The following P3H2 variants were observed in gnomAD, a reference collection of about 807,000 sequenced individuals.
The protein encoded by P3H2 is leprecan-like 1.
In P3H2, 80 loss-of-function variants were observed where a neutral mutation model predicts 87.0. The ratio of observed to expected loss-of-function variants is 0.92; its 90% CI spans 0.77 to 1.11. The LOEUF is 1.11. Among genes scored for constraint, P3H2 ranks in the 50% least tolerant of loss-of-function variants. The pLI is 0.00. For missense variants in P3H2, 1,001 were observed against 923.9 expected (o/e 1.08, Z -1.08); for synonymous variants, 367 against 359.3 (o/e 1.02, Z -0.24).
At chr3:190,097,014 G>C (rs1461760367) in intron 1 of P3H2, among the ~76,000 whole-genome samples, 2 of 152,178 alleles carry the variant, frequency 1.3e-5, no homozygotes, top group African/African-American at 4.8e-5. Context: ...CTTGGAGTCA[G>C]GAAACTTCTC....
At chr3:190,121,861 G>C (rs1009634383), upstream of P3H2, among the ~76,000 whole-genome samples, 2 of 152,156 alleles carry the variant, frequency 1.3e-5, no homozygotes, top group South Asian at 2.1e-4. Context: ...GGAGGCCAAG[G>C]CGGGTGGATC....
At position 190,033,610 on chromosome 3, in the gene P3H2, G is replaced by A. The variant is rs574869862; in HGVS notation, c.481-38168C>T. On this transcript the variant is annotated intron_variant, in intron 1 of 14. Transcript: ENST00000319332. ...AGGATCCATTCTGTATTGTTTGGCC[G>A]TAGCATTTCAATCTTCATTTGCAAA... 1.2e-3 allele frequency among the ~76,000 whole-genome samples: 181 copies of A among 152,078 alleles called. 2 individuals carry two copies. Among genetic ancestry groups the A allele is most frequent in the Middle Eastern group, 6.8e-3 (2 of 294 alleles).
intron 1 of P3H2, among the ~76,000 whole-genome samples, chr3:190,064,057 T>C (rs1726418295): frequency 6.9e-6 from 1 of 145,868 alleles, no homozygotes. Flanking sequence ...AGTAGGGCAA[T>C]CATAGCTCAC....
At chr3:189,972,500 T>C (rs1229615699) in intron 11 of P3H2, among the ~76,000 whole-genome samples, 1 of 152,212 alleles carries the variant, frequency 6.6e-6, no homozygotes, top group East Asian at 1.9e-4. Context: ...AGAGTATTTC[T>C]TTCAATCATC....
At chr3:189,974,833 G>A in intron 8 of P3H2, 148 bp from the exon 9 acceptor site, 1 of 903,056 alleles carries the variant, frequency 1.1e-6, no homozygotes, top group South Asian at 1.4e-5. Flanking sequence ...AAATTAGGAA[G>A]CTTGATAAAC....
chr3:189,997,571 T>G (rs570837480), intron 1 of P3H2, among the ~76,000 whole-genome samples: 1 of 152,194 alleles, frequency 6.6e-6, no homozygotes, highest in Non-Finnish European at 1.5e-5. Flanking sequence ...TAATCAACTC[T>G]TAACACAAAA....
At chr3:190,112,007 G>A (rs529612777) in intron 1 of P3H2, among the ~76,000 whole-genome samples, 2 of 152,310 alleles carry the variant, frequency 1.3e-5, no homozygotes, top group East Asian at 1.9e-4. Context: ...TGGGGAGTGC[G>A]ATAAAAATAA....
Position 189,972,020 on chromosome 3 carries a change from G to A in P3H2, c.1700-13C>T, listed in dbSNP as rs200866830. 4 of 1,499,254 alleles carry A rather than the reference G, an allele frequency of 2.7e-6. No individual in the cohort carries two copies. Among genetic ancestry groups the A allele is most frequent in the Non-Finnish European group, 3.7e-6 (4 of 1,075,598 alleles). The allele number at this position is 1,499,254 out of a possible 1,614,324, so 92.9% of individuals were successfully genotyped here. A position where few individuals can be genotyped will look rare whatever the true frequency, so the allele number is the denominator to read the frequency against. On this transcript the variant is annotated splice_polypyrimidine_tract_variant and intron_variant, in intron 11 of 14. Coordinates refer to ENST00000319332, the MANE Select transcript of P3H2 (RefSeq NM_018192.4). ...CTATCCTGCTGACCTGCCAGAAAAG[G>A]GAATAGGGAAGAACGAGAAATGAAG... is the stretch of plus-strand genomic sequence containing the variant.
chr3:190,098,910 A>C (rs1711520919), intron 1 of P3H2, among the ~76,000 whole-genome samples: 1 of 152,178 alleles, frequency 6.6e-6, no homozygotes, highest in Non-Finnish European at 1.5e-5. Flanking sequence ...TTTCTGTCAC[A>C]TACCACTTAG....
At chr3:190,079,527 T>C (rs1442155744) in intron 1 of P3H2, among the ~76,000 whole-genome samples, 1 of 152,248 alleles carries the variant, frequency 6.6e-6, no homozygotes, top group African/African-American at 2.4e-5. Flanking sequence ...GGCAGAATCA[T>C]TTTAGATATA....
intron 1 of P3H2, among the ~76,000 whole-genome samples, chr3:190,108,624 GTTAA>G (rs1560404783): frequency 1.3e-5 from 2 of 151,712 alleles, no homozygotes; most frequent in African/African-American, 2.4e-5. Flanking sequence ...TGTTTATTAC[GTTAA>G]TTAATATTAT....
chr3:190,117,932 CTCTCAGAAATA>C (rs1320319670), intron 1 of P3H2, among the ~76,000 whole-genome samples: 2 of 152,182 alleles, frequency 1.3e-5, no homozygotes, highest in Non-Finnish European at 2.9e-5. Context: ...ACTTGTTCTG[CTCTCAGAAATA>C]TTGCTGGTAG....
In P3H2 at chr3:190,016,464, G is replaced by A. The variant is rs995678776; in HGVS notation, c.481-21022C>T. Among the ~76,000 whole-genome samples, 3 of 152,016 alleles carry A rather than the reference G, an allele frequency of 2.0e-5. 1 individual carries two copies. The highest frequency in any genetic ancestry group is 6.6e-5 in the Admixed American group (1 of 15,230). Reference sequence around the variant, plus strand: ...TTCACCACGTTGGCCATGCTGTCTTGAACTCCTGACCTCAGGTGATCCACC... The same window carrying A: ...TTCACCACGTTGGCCATGCTGTCTTAAACTCCTGACCTCAGGTGATCCACC... On this transcript the variant is annotated intron_variant, in intron 1 of 14. Coordinates refer to ENST00000319332, the MANE Select transcript of P3H2 (RefSeq NM_018192.4).
chr3:189,973,934 C>T lies in P3H2; in HGVS notation c.1523G>A (p.Gly508Asp). 6.2e-7 allele frequency: 1 copy of T among 1,614,024 alleles called. No individual in the cohort carries two copies. Among genetic ancestry groups the T allele is most frequent in the Non-Finnish European group, 8.5e-7 (1 of 1,179,928 alleles). ...SPHTPNEKFE[G>D]ATVLKALKSG... ...TTTGAGTGCTTTCAGGACAGTTGCA[C>T]CTTCAAACTTTTCATTGGGTGTATG... Residue 508 changes from glycine (G) to aspartate (D), a missense_variant, in exon 10 of 15, where the codon GGT (glycine) becomes GAT (aspartate). By Grantham distance (94) the Gly-to-Asp change is moderately conservative. Coordinates refer to ENST00000319332, the MANE Select transcript of P3H2 (RefSeq NM_018192.4).
chr3:190,036,615 A>C (rs1056660910), intron 1 of P3H2, among the ~76,000 whole-genome samples: 1 of 152,234 alleles, frequency 6.6e-6, no homozygotes, highest in Non-Finnish European at 1.5e-5. Flanking sequence ...ACAGAAATTA[A>C]AACTCATAAT....
chr3:190,079,431 G>T (rs1377864554), intron 1 of P3H2, among the ~76,000 whole-genome samples: 1 of 152,038 alleles, frequency 6.6e-6, no homozygotes, highest in African/African-American at 2.4e-5. Context: ...CTACCACAAA[G>T]AAGTATTGTG....
rs544815805 is a variant in P3H2, at chr3:189,987,566, C to T, written c.1059G>A (p.Leu353=). ...LDNVDYYESL[L]DDSIDPASIE... is the part of the protein sequence containing the mutation. ...TGGATGCCGGGTCAATGCTATCATC[C>T]AGCAGACTCTCATAGTAATCCACAT... Residue 353 remains leucine (L), a synonymous_variant, in exon 5 of 15, where the codon CTG becomes CTA. Coordinates refer to ENST00000319332, the MANE Select transcript of P3H2 (RefSeq NM_018192.4). The T allele has an allele frequency of 1.2e-5, 20 of 1,614,070 alleles. No homozygotes were observed. The South Asian group carries it at 1.4e-4, about 12-fold the overall frequency.
chr3:190,086,278 G>A (rs1391857869), intron 1 of P3H2, among the ~76,000 whole-genome samples: 1 of 152,116 alleles, frequency 6.6e-6, no homozygotes, highest in African/African-American at 2.4e-5. Context: ...GGCTATCACT[G>A]AATACCCTCT....
At chr3:190,111,868 A>C (rs2108523410) in intron 1 of P3H2, among the ~76,000 whole-genome samples, 1 of 152,340 alleles carries the variant, frequency 6.6e-6, no homozygotes, top group African/African-American at 2.4e-5. Context: ...GAAGGAACCT[A>C]AATAATTAAG....
Sources: gnomAD v4.1 joint callset for allele counts (sites outside exome capture counted in the v4.1 genomes callset) on GRCh38, gnomAD v4.1.1 for gene constraint, MANE v1.5 for transcripts, NCBI Gene and HGNC (gene_info 2026-07-23, HGNC 2026-07-21) for gene names.